Variants in PCNP observed in about 807,000 individuals in gnomAD.
The protein encoded by PCNP is PEST proteolytic signal-containing nuclear protein.
In PCNP, 6 loss-of-function variants were observed where a neutral mutation model predicts 21.8. The ratio of observed to expected loss-of-function variants is 0.28; its 90% confidence interval spans 0.15 to 0.54. PCNP has a LOEUF of 0.54. PCNP is among the 20% of genes least tolerant of loss of function. PCNP has a pLI of 0.95. For synonymous variants in PCNP, 67 were observed against 73.2 expected, an observed-to-expected ratio of 0.92 and a Z score of 0.43; for missense variants, 161 against 215.5, an observed-to-expected ratio of 0.75 and a Z score of 1.58.
Position 101,592,878 on chromosome 3 carries a change from TTGAG to T in PCNP, c.*128_*131del, listed in dbSNP as rs906261569. The T allele has an allele frequency of 1.5e-5, 11 of 723,534 alleles. No individual in the cohort carries two copies. Among genetic ancestry groups the T allele is most frequent in the South Asian group, 5.9e-5 (2 of 33,776 alleles). 44.8% of individuals were successfully genotyped at this position (723,534 alleles called of 1,614,324 possible). A position where few individuals can be genotyped will look rare whatever the true frequency, so the allele number is the denominator to read the frequency against. ...TTTTCTTTTTCATTTTTTTAAAAGA[TTGAG>T]TGGTACACTAATAAATGAGAGTTTG... On this transcript the variant is annotated 3_prime_UTR_variant, in exon 5 of 5. Coordinates refer to ENST00000265260, the MANE Select transcript of PCNP (RefSeq NM_020357.3).
In PCNP at chr3:101,576,382, G is replaced by A. The variant is rs1488528678; in HGVS notation, c.64+2103G>A. On this transcript the variant is annotated intron_variant, in intron 1 of 4. Coordinates refer to ENST00000265260, the MANE Select transcript of PCNP (RefSeq NM_020357.3). ...CCCAAGTAGCTGGGACTACAGGCGCGGGCCACCACGCCCAGCTAATTTTTG... is the reference window on the plus strand; with the variant it reads ...CCCAAGTAGCTGGGACTACAGGCGCAGGCCACCACGCCCAGCTAATTTTTG... 4.5e-5 allele frequency: 38 copies of A among 848,956 alleles called. 1 individual carries two copies. Among genetic ancestry groups the A allele is most frequent in the Non-Finnish European group, 6.0e-5 (35 of 581,356 alleles). The allele number at this position is 848,956 out of a possible 1,614,324, so 52.6% of individuals were successfully genotyped here.
intron 2 of PCNP, among the ~76,000 whole-genome samples, chr3:101,581,861 C>T (rs1468857797): frequency 6.6e-6 from 1 of 151,990 alleles, no homozygotes; most frequent in South Asian, 2.1e-4. Flanking sequence ...CTGCCTCAGC[C>T]TCCCGAGTAG....
chr3:101,574,959 C>T (rs914652767), intron 1 of PCNP: 22 of 152,290 alleles, frequency 1.4e-4, no homozygotes, highest in African/African-American at 5.3e-4. Context: ...TTTGAAGTAT[C>T]TCCCTTAGGC....
intron 1 of PCNP, among the ~76,000 whole-genome samples, chr3:101,575,817 T>C (rs894149654): frequency 6.6e-6 from 1 of 152,190 alleles, no homozygotes; most frequent in African/African-American, 2.4e-5. Flanking sequence ...AGTTGAGGGT[T>C]ATTAGTTCTA....
intron 3 of PCNP, chr3:101,589,943 C>G (rs939800762): frequency 1.1e-4 from 42 of 377,556 alleles, no homozygotes; most frequent in African/African-American, 8.0e-4. Context: ...ACAAACAACA[C>G]AATGGGCAGC....
At chr3:101,589,774 T>A (rs564227611) in intron 3 of PCNP, 1 of 184,152 alleles carries the variant, frequency 5.4e-6, no homozygotes, top group South Asian at 1.2e-4. Flanking sequence ...TACCTTAAAG[T>A]GGTTAAGAAC....
At chr3:101,587,453 A>G (rs1238630766) in intron 3 of PCNP, among the ~76,000 whole-genome samples, 3 of 152,060 alleles carry the variant, frequency 2.0e-5, no homozygotes, top group Non-Finnish European at 4.4e-5. Context: ...ACTTTCACTC[A>G]TTCTATCCAT....
chr3:101,577,892 G>GA (rs1173176555), intron 1 of PCNP, among the ~76,000 whole-genome samples: 2 of 151,210 alleles, frequency 1.3e-5, no homozygotes, highest in Non-Finnish European at 3.0e-5. Context: ...ACTACTCAAT[G>GA]AAAAAACAAA....
At chr3:101,578,247 A>T (rs1935036711) in intron 1 of PCNP, among the ~76,000 whole-genome samples, 1 of 152,228 alleles carries the variant, frequency 6.6e-6, no homozygotes, top group South Asian at 2.1e-4. Context: ...TCCACTATGA[A>T]ATGTCATACT....
chr3:101,576,986 A>G (rs1576604585), intron 1 of PCNP: 4 of 930,842 alleles, frequency 4.3e-6, no homozygotes, highest in Non-Finnish European at 7.2e-6. Context: ...CCTCCTGTGG[A>G]GGAGCAATTT....
At chr3:101,586,571 T>TGTGTGAGA in intron 3 of PCNP, among the ~76,000 whole-genome samples, 3,220 of 114,168 alleles carry the variant, frequency 0.028, 74 homozygotes, top group Non-Finnish European at 0.039. Flanking sequence ...TGTGTGTGTG[T>TGTGTGAGA]GAGAGAGAGA....
At chr3:101,581,173 T>G (rs1291869871) in intron 2 of PCNP, among the ~76,000 whole-genome samples, 4 of 152,220 alleles carry the variant, frequency 2.6e-5, no homozygotes, top group Non-Finnish European at 5.9e-5. Flanking sequence ...CAAAAAACAT[T>G]GAGCTTATAA....
chr3:101,593,526 C>G lies in PCNP; in HGVS notation c.*773C>G, dbSNP rs561655337. 6.6e-6 allele frequency: 1 copy of G among 152,520 alleles called. No individual in the cohort carries two copies. The allele number at this position is 152,520 out of a possible 1,614,324, so 9.4% of individuals were successfully genotyped here. On this transcript the variant is annotated 3_prime_UTR_variant, in exon 5 of 5. Transcript: ENST00000265260. ...ATTTCCACCAGAACTTGAGGCAAAT[C>G]GTAAGGAAGCTGTTTCTTTTAAAAC... is the stretch of plus-strand genomic sequence containing the variant.
intron 3 of PCNP, among the ~76,000 whole-genome samples, chr3:101,588,960 A>C (rs1376853853): frequency 6.6e-6 from 1 of 152,238 alleles, no homozygotes; most frequent in Non-Finnish European, 1.5e-5. Context: ...TTGTAATTAA[A>C]ATTTATTTTG....
rs375517236 is a variant in PCNP, at chr3:101,575,379, G to A, written c.64+1100G>A. 9.2e-5 allele frequency among the ~76,000 whole-genome samples: 14 copies of A among 151,986 alleles called. 1 individual carries two copies. The highest frequency in any genetic ancestry group is 3.4e-4 in the African/African-American group (14 of 41,454). On this transcript the variant is annotated intron_variant, in intron 1 of 4. Coordinates refer to ENST00000265260, the MANE Select transcript of PCNP (RefSeq NM_020357.3). ...AATTATTGAAAAGATTAAGTGTAAT[G>A]TTAATTACTTTGGACCCAGGATTTC...
At chr3:101,591,512 C>T (rs1263028687) in intron 4 of PCNP, among the ~76,000 whole-genome samples, 1 of 152,156 alleles carries the variant, frequency 6.6e-6, no homozygotes, top group East Asian at 1.9e-4. Context: ...TCATACTGAG[C>T]GTAAAGTAGG....
At chr3:101,586,571 T>A (rs201664122) in intron 3 of PCNP, among the ~76,000 whole-genome samples, 2,941 of 114,184 alleles carry the variant, frequency 0.026, 108 homozygotes, top group African/African-American at 0.079. Flanking sequence ...TGTGTGTGTG[T>A]GAGAGAGAGA....
intron 1 of PCNP, among the ~76,000 whole-genome samples, chr3:101,577,686 A>G (rs1343452240): frequency 6.6e-6 from 1 of 152,098 alleles, no homozygotes; most frequent in African/African-American, 2.4e-5. Context: ...CACCACGCCC[A>G]TCTTAATTTG....
intron 3 of PCNP, among the ~76,000 whole-genome samples, chr3:101,587,679 G>C (rs1576619867): frequency 1.3e-5 from 2 of 150,952 alleles, no homozygotes; most frequent in Admixed American, 1.3e-4. Context: ...ACTGGCAGTT[G>C]GAAGACCTGA....
Sources: gnomAD v4.1 joint callset for allele counts (sites outside exome capture counted in the v4.1 genomes callset) on GRCh38, gnomAD v4.1.1 for gene constraint, MANE v1.5 for transcripts, NCBI Gene and HGNC (gene_info 2026-07-23, HGNC 2026-07-21) for gene names.